Variants in RPS6KA2 observed in about 807,000 individuals in gnomAD.
RPS6KA2 encodes the protein ribosomal protein S6 kinase alpha-2.
Under a neutral mutation model 91.8 loss-of-function variants are expected in RPS6KA2, and 42 were observed. The ratio of observed to expected loss-of-function variants is 0.46; its 90% CI spans 0.36 to 0.59. RPS6KA2 has a LOEUF of 0.59. Among genes scored for constraint, RPS6KA2 ranks in the 20% least tolerant of loss-of-function variants. The pLI is 0.00. For missense variants in RPS6KA2, 798 were observed against 978.5 expected, an observed-to-expected ratio of 0.82 and a Z score of 2.46; for synonymous variants, 414 against 393.6, an observed-to-expected ratio of 1.05 and a Z score of -0.61.
At chr6:166,455,615 T>A (rs1780077338) in intron 12 of RPS6KA2, among the ~76,000 whole-genome samples, 1 of 152,212 alleles carries the variant, frequency 6.6e-6, no homozygotes, top group South Asian at 2.1e-4. Flanking sequence ...AAACCGAAGG[T>A]ACCCTGAGTG....
rs754414233 is a variant in RPS6KA2 at position 166,821,236 on chromosome 6, A to G, written c.123+36964T>C. On this transcript the variant is annotated intron_variant, in intron 2 of 21. Transcript: ENST00000503859. This position sits in a 1 kb window ranked among gnomAD's most constrained non-coding sequence, Gnocchi z 4.1. ...CTTAGTGGCTTTATTTTTAAAATAT[A>G]GAGGTGATCGGGTAACACCGAGACA... is the stretch of plus-strand genomic sequence containing the variant. Among the ~76,000 whole-genome samples, 1 of 152,114 alleles carries G rather than the reference A, an allele frequency of 6.6e-6. No homozygotes were observed. The highest frequency in any genetic ancestry group is 1.5e-5 in the Non-Finnish European group (1 of 68,010).
chr6:166,687,336 C>T (rs1362127264), intron 2 of RPS6KA2, among the ~76,000 whole-genome samples: 2 of 152,188 alleles, frequency 1.3e-5, no homozygotes, highest in South Asian at 2.1e-4. Flanking sequence ...GCACTGGACA[C>T]GCACATGCCT....
intron 1 of RPS6KA2, among the ~76,000 whole-genome samples, chr6:166,551,046 A>G (rs904670410): frequency 1.3e-5 from 2 of 151,492 alleles, no homozygotes; most frequent in African/African-American, 4.8e-5. Flanking sequence ...CTGTAACACT[A>G]ATTAGATAAC....
At chr6:166,512,074 G>A (rs1223649675) in intron 3 of RPS6KA2, among the ~76,000 whole-genome samples, 1 of 152,168 alleles carries the variant, frequency 6.6e-6, no homozygotes, top group Non-Finnish European at 1.5e-5. Context: ...AACAAAATGT[G>A]ATGCTGTAGT....
At chr6:166,748,502 A>G (rs1791097425) in intron 2 of RPS6KA2, among the ~76,000 whole-genome samples, 1 of 150,732 alleles carries the variant, frequency 6.6e-6, no homozygotes, top group African/African-American at 2.5e-5. Context: ...CAGAGGGGGC[A>G]GATCAGCCTC....
chr6:166,709,297 A>G (rs1293772969), intron 2 of RPS6KA2, among the ~76,000 whole-genome samples: 1 of 151,276 alleles, frequency 6.6e-6, no homozygotes, highest in African/African-American at 2.5e-5. Flanking sequence ...CAGAAGTCAG[A>G]AATAAAGACA....
At chr6:166,628,040 G>A (rs1786961608), upstream of RPS6KA2, 1 of 152,072 alleles carries the variant, frequency 6.6e-6, no homozygotes, top group African/African-American at 2.4e-5. Flanking sequence ...GCAGAACAAA[G>A]ACGCATCCGC....
intron 1 of RPS6KA2, among the ~76,000 whole-genome samples, chr6:166,556,276 G>A (rs541480454): frequency 4.1e-4 from 63 of 152,272 alleles, no homozygotes; most frequent in African/African-American, 1.4e-3. Flanking sequence ...CCCACTGGGT[G>A]CAAATTCACT....
intron 1 of RPS6KA2, among the ~76,000 whole-genome samples, chr6:166,861,952 G>A (rs779723438): frequency 6.6e-6 from 1 of 152,202 alleles, no homozygotes; most frequent in Non-Finnish European, 1.5e-5. Context: ...CATACACAAC[G>A]CAACATATAC....
intron 2 of RPS6KA2, among the ~76,000 whole-genome samples, chr6:166,722,900 C>T (rs58021533): frequency 0.14 from 21,451 of 152,170 alleles, 1,613 homozygotes; most frequent in Admixed American, 0.17. Flanking sequence ...TGCACAGCTC[C>T]CTCTCCGAGT....
At chr6:166,523,654 C>T (rs1782931484) in intron 3 of RPS6KA2, among the ~76,000 whole-genome samples, 1 of 152,100 alleles carries the variant, frequency 6.6e-6, no homozygotes, top group African/African-American at 2.4e-5. Context: ...TTTTTCTCCC[C>T]TGGGAATCTG....
chr6:166,709,098 A>G (rs1215023980), intron 2 of RPS6KA2, among the ~76,000 whole-genome samples: 2 of 152,148 alleles, frequency 1.3e-5, no homozygotes, highest in East Asian at 3.9e-4. Flanking sequence ...TTGTTTTAGC[A>G]CGCCTCTTAT....
intron 2 of RPS6KA2, among the ~76,000 whole-genome samples, chr6:166,831,107 G>A (rs1460643957): frequency 3.3e-5 from 5 of 152,088 alleles, no homozygotes; most frequent in Non-Finnish European, 5.9e-5. Flanking sequence ...GTCCATCCAC[G>A]GAGAGAACCC....
At chr6:166,824,884 T>C (rs1249638082) in intron 2 of RPS6KA2, among the ~76,000 whole-genome samples, 4 of 152,124 alleles carry the variant, frequency 2.6e-5, no homozygotes, top group Admixed American at 1.3e-4. Context: ...TATGTCTGTA[T>C]GTATGTCTGT....
intron 2 of RPS6KA2, among the ~76,000 whole-genome samples, chr6:166,789,298 T>C (rs1384323660): frequency 6.6e-6 from 1 of 152,142 alleles, no homozygotes; most frequent in Non-Finnish European, 1.5e-5. Flanking sequence ...CAAGGCTGCA[T>C]CGAGGCTGGG....
At chr6:166,788,682 G>C (rs1467084417) in intron 2 of RPS6KA2, among the ~76,000 whole-genome samples, 1 of 152,122 alleles carries the variant, frequency 6.6e-6, no homozygotes, top group Non-Finnish European at 1.5e-5. Context: ...ACCGGGGCCT[G>C]TCCGGGGTGA....
intron 2 of RPS6KA2, among the ~76,000 whole-genome samples, chr6:166,832,753 T>C (rs924166228): frequency 2.6e-5 from 4 of 152,184 alleles, no homozygotes; most frequent in Admixed American, 6.5e-5. Context: ...ACTGGGGAAA[T>C]TGTCAGAATT....
intron 8 of RPS6KA2, among the ~76,000 whole-genome samples, chr6:166,491,699 C>T (rs772049590): frequency 3.3e-4 from 50 of 152,254 alleles, no homozygotes; most frequent in Non-Finnish European, 5.1e-4. Context: ...CTCCAGCATT[C>T]GTCCTTTGCA....
At chr6:166,839,574 T>C (rs984385796) in intron 2 of RPS6KA2, among the ~76,000 whole-genome samples, 1 of 149,720 alleles carries the variant, frequency 6.7e-6, no homozygotes, top group Non-Finnish European at 1.5e-5. Flanking sequence ...GACTCGCTTC[T>C]TGTTTATAAT....
Sources: gnomAD v4.1 joint callset for allele counts (sites outside exome capture counted in the v4.1 genomes callset) on GRCh38, gnomAD v4.1.1 for gene constraint, Gnocchi (gnomAD v3.1) non-coding constraint, MANE v1.5 for transcripts, NCBI Gene and HGNC (gene_info 2026-07-23, HGNC 2026-07-21) for gene names.